Variants in NLGN1 observed in about 807,000 individuals in gnomAD.
The protein encoded by NLGN1 is neuroligin-1.
In NLGN1, 12 loss-of-function variants were observed where a neutral mutation model predicts 65.5. That is an observed-to-expected ratio of 0.18 (90% CI 0.12 to 0.30). The LOEUF (loss-of-function observed/expected upper bound fraction) is 0.30, where lower values mean the gene tolerates loss of function less well. Among genes scored for constraint, NLGN1 ranks in the 10% least tolerant of loss-of-function variants. The pLI is 1.00. For missense variants in NLGN1, 750 were observed against 1,007.1 expected (o/e 0.74, Z 3.46); for synonymous variants, 350 against 359.5 (o/e 0.97, Z 0.30).
intron 4 of NLGN1, among the ~76,000 whole-genome samples, chr3:173,967,234 G>A (rs1236613046): frequency 6.6e-6 from 1 of 152,152 alleles, no homozygotes; most frequent in East Asian, 1.9e-4. Flanking sequence ...TTTAAGCAGT[G>A]TGGCATAACT....
At chr3:173,744,644 T>C in intron 3 of NLGN1, among the ~76,000 whole-genome samples, 1 of 152,240 alleles carries the variant, frequency 6.6e-6, no homozygotes, top group Non-Finnish European at 1.5e-5. Context: ...GAAAGCATGA[T>C]TGTGTGAACA....
chr3:174,235,436 A>T (rs553944950), intron 4 of NLGN1, among the ~76,000 whole-genome samples: 37 of 152,116 alleles, frequency 2.4e-4, no homozygotes, highest in Admixed American at 1.6e-3. Context: ...GCTTGTTCAC[A>T]CTCCAGTTCT....
intron 3 of NLGN1, among the ~76,000 whole-genome samples, chr3:173,611,822 T>C (rs1285269466): frequency 1.3e-5 from 2 of 152,100 alleles, no homozygotes; most frequent in Admixed American, 6.6e-5. Context: ...TTTTTTCTTA[T>C]AGAAACTGGG....
At chr3:174,033,865 G>C (rs1203853752) in intron 4 of NLGN1, among the ~76,000 whole-genome samples, 2 of 152,082 alleles carry the variant, frequency 1.3e-5, no homozygotes, top group Admixed American at 1.3e-4. Context: ...GGAAGAAAGA[G>C]AGAATGGAGC....
chr3:174,218,303 G>C (rs1738011483), intron 4 of NLGN1, among the ~76,000 whole-genome samples: 1 of 151,742 alleles, frequency 6.6e-6, no homozygotes, highest in South Asian at 2.1e-4. Context: ...CAATAAAAAT[G>C]TTCCCAGTAC....
intron 2 of NLGN1, among the ~76,000 whole-genome samples, chr3:173,544,972 TGATAAAA>T (rs1353016589): frequency 6.6e-6 from 1 of 152,140 alleles, no homozygotes; most frequent in Non-Finnish European, 1.5e-5. Flanking sequence ...GATCAATATA[TGATAAAA>T]GATAAAAGTT....
chr3:173,536,481 C>A (rs1043824058), intron 2 of NLGN1, among the ~76,000 whole-genome samples: 1 of 152,138 alleles, frequency 6.6e-6, no homozygotes, highest in Non-Finnish European at 1.5e-5. Context: ...AGGCAGTATT[C>A]TCAGTTGTGT....
intron 3 of NLGN1, among the ~76,000 whole-genome samples, chr3:173,630,330 A>G (rs1263549460): frequency 6.6e-6 from 1 of 152,172 alleles, no homozygotes; most frequent in East Asian, 1.9e-4. Context: ...CCTAACTGTA[A>G]TAGTCACATA....
intron 3 of NLGN1, among the ~76,000 whole-genome samples, chr3:173,775,477 T>G (rs2150289992): frequency 6.6e-6 from 1 of 152,218 alleles, no homozygotes; most frequent in South Asian, 2.1e-4. Context: ...ATGCTTTTTT[T>G]TTTCCCACCA....
chr3:174,223,420 C>T (rs576901406), intron 4 of NLGN1, among the ~76,000 whole-genome samples: 2 of 152,268 alleles, frequency 1.3e-5, no homozygotes, highest in South Asian at 2.1e-4. Flanking sequence ...TCTTCTCCCT[C>T]GGATTTCAGT....
chr3:173,819,308 G>A (rs1719701308), intron 4 of NLGN1, among the ~76,000 whole-genome samples: 1 of 151,962 alleles, frequency 6.6e-6, no homozygotes, highest in East Asian at 1.9e-4. Flanking sequence ...CCACAACCAG[G>A]CAAATTACTT....
intron 4 of NLGN1, among the ~76,000 whole-genome samples, chr3:173,849,576 T>A (rs1306205430): frequency 6.6e-6 from 1 of 152,228 alleles, no homozygotes; most frequent in African/African-American, 2.4e-5. Context: ...TAGGCATCAT[T>A]TAGGTATGAG....
intron 2 of NLGN1, among the ~76,000 whole-genome samples, chr3:173,448,883 G>C (rs1387494514): frequency 2.6e-5 from 4 of 152,144 alleles, no homozygotes; most frequent in African/African-American, 9.7e-5. Context: ...ATGGTAGTTT[G>C]TATTTCTGTG....
At chr3:173,879,051 G>A (rs1193701997) in intron 4 of NLGN1, among the ~76,000 whole-genome samples, 3 of 152,002 alleles carry the variant, frequency 2.0e-5, no homozygotes, top group Non-Finnish European at 4.4e-5. Flanking sequence ...TGGCCAACAC[G>A]TTGAAGCCCT....
At chr3:173,867,246 A>G (rs147359481) in intron 4 of NLGN1, among the ~76,000 whole-genome samples, 197 of 152,288 alleles carry the variant, frequency 1.3e-3, no homozygotes, top group African/African-American at 4.4e-3. Flanking sequence ...TTTAGTTTCA[A>G]CCGAGCAAGA....
At chr3:173,547,614 C>G (rs891558321) in intron 2 of NLGN1, among the ~76,000 whole-genome samples, 15 of 152,106 alleles carry the variant, frequency 9.9e-5, no homozygotes, top group African/African-American at 3.6e-4. Context: ...TATTTTTCCT[C>G]AGGTTGCTAC....
chr3:174,273,850 T>C (rs1265446548), intron 4 of NLGN1, among the ~76,000 whole-genome samples: 2 of 151,712 alleles, frequency 1.3e-5, no homozygotes, highest in African/African-American at 4.8e-5. Flanking sequence ...GAATTTGTCT[T>C]CATCTATTCT....
At chr3:174,278,444 A>C (rs931522728) in intron 5 of NLGN1, among the ~76,000 whole-genome samples, 9 of 152,110 alleles carry the variant, frequency 5.9e-5, no homozygotes, top group East Asian at 3.9e-4. Flanking sequence ...GGACACAGCC[A>C]AACTGGAGGA....
chr3:173,699,443 T>G (rs1766775898), intron 3 of NLGN1, among the ~76,000 whole-genome samples: 1 of 152,232 alleles, frequency 6.6e-6, no homozygotes, highest in Admixed American at 6.5e-5. Context: ...GATATTCTTA[T>G]TCAAATGTGT....
Sources: allele counts gnomAD v4.1 joint callset (sites outside exome capture counted in the v4.1 genomes callset), GRCh38; gene constraint gnomAD v4.1.1; transcripts MANE v1.5; gene names NCBI Gene and HGNC (gene_info 2026-07-23, HGNC 2026-07-21).